ASAP1: variants seen among roughly 807,000 people sequenced by gnomAD.
The protein encoded by ASAP1 is arf-GAP with SH3 domain, ANK repeat and PH domain-containing protein 1.
ASAP1 carries 43 observed loss-of-function variants against 145.2 expected under a neutral mutation model. The observed-to-expected ratio is 0.30, with a 90% CI of 0.23 to 0.38. The LOEUF is 0.38. Ranked by LOEUF, ASAP1 falls within the 10% of genes least tolerant of loss-of-function variation. The probability of loss-of-function intolerance (pLI) is 1.00; values close to 1 mark genes in which losing one functional copy is unlikely to be tolerated. For synonymous variants in ASAP1, 546 were observed against 515.5 expected (o/e 1.06, Z -0.80); for missense variants, 1,018 against 1,355.3 (o/e 0.75, Z 3.91).
In ASAP1 at chr8:130,417,619, G is replaced by GA. The variant is rs796254952; in HGVS notation, c.-27-15650dup. Reference sequence around the variant, plus strand: ...AACCCCACAAGTCCTGGCTTCAGGGGAAAAAAAAAAAAAAAGGAGAGGCAA... The same window carrying GA: ...AACCCCACAAGTCCTGGCTTCAGGGGAAAAAAAAAAAAAAAAGGAGAGGCAA... On this transcript the variant is annotated intron_variant, in intron 1 of 29. Coordinates refer to ENST00000518721, the MANE Select transcript of ASAP1 (RefSeq NM_018482.4). Among the ~76,000 whole-genome samples the GA allele has an allele frequency of 5.5e-3, 738 of 134,248 alleles. 3 individuals carry two copies. The highest frequency in any genetic ancestry group is 0.012 in the African/African-American group (450 of 36,424). 88.1% of individuals were successfully genotyped at this position (134,248 alleles called of 152,430 possible).
intron 3 of ASAP1, among the ~76,000 whole-genome samples, chr8:130,338,216 G>C (rs956674668): frequency 6.6e-6 from 1 of 152,168 alleles, no homozygotes; most frequent in Non-Finnish European, 1.5e-5. Flanking sequence ...AGGTGATGCT[G>C]GCAGCAGATG....
intron 3 of ASAP1, among the ~76,000 whole-genome samples, chr8:130,347,762 A>G (rs78083315): frequency 0.035 from 5,372 of 152,236 alleles, 134 homozygotes; most frequent in African/African-American, 0.065. Flanking sequence ...GCAGACACCA[A>G]TGTGGTGTAG....
intron 1 of ASAP1, among the ~76,000 whole-genome samples, chr8:130,428,426 AT>A (rs1830009384): frequency 1.4e-5 from 2 of 141,128 alleles, no homozygotes; most frequent in Non-Finnish European, 3.1e-5. Context: ...CATCACCATC[AT>A]CATCATCACC....
chr8:130,262,829 C>T (rs1820021240), intron 3 of ASAP1, among the ~76,000 whole-genome samples: 1 of 152,148 alleles, frequency 6.6e-6, no homozygotes, highest in South Asian at 2.1e-4. Flanking sequence ...TTCCATGACC[C>T]TAAAGACAGG....
chr8:130,441,377 C>T (rs1395021964), intron 1 of ASAP1, among the ~76,000 whole-genome samples: 2 of 152,188 alleles, frequency 1.3e-5, no homozygotes, highest in East Asian at 3.8e-4. Flanking sequence ...GTGACTGTTA[C>T]TATTGCTCAC....
At chr8:130,107,421 G>A (rs2097538844) in intron 24 of ASAP1, among the ~76,000 whole-genome samples, 1 of 150,754 alleles carries the variant, frequency 6.6e-6, no homozygotes, top group African/African-American at 2.4e-5. Context: ...TCCTGACCTC[G>A]TGATCCGCCC....
chr8:130,422,543 C>A (rs183896214), intron 1 of ASAP1, among the ~76,000 whole-genome samples: 1 of 152,196 alleles, frequency 6.6e-6, no homozygotes, highest in Non-Finnish European at 1.5e-5. Flanking sequence ...TCCTCCTAAG[C>A]TGTCTCTGTC....
intron 2 of ASAP1, among the ~76,000 whole-genome samples, chr8:130,383,238 T>C (rs753962302): frequency 7.2e-5 from 11 of 152,202 alleles, no homozygotes; most frequent in Non-Finnish European, 1.0e-4. Flanking sequence ...CCCCAAAGGA[T>C]TCCCCAGGCT....
chr8:130,053,886 A>G lies in ASAP1; in HGVS notation c.*845T>C, dbSNP rs1177544130. On this transcript the variant is annotated 3_prime_UTR_variant, in exon 30 of 30. Transcript: ENST00000518721. The stretch of plus-strand genomic sequence containing the variant: ...AAAAAATGTACAATTCCACTTATCC[A>G]TACTATTCCTTTATAAAAGGCAGAT... The G allele has an allele frequency of 1.3e-5, 2 of 152,422 alleles. No individual in the cohort carries two copies. 9.4% of individuals were successfully genotyped at this position (152,422 alleles called of 1,614,324 possible). A position where few individuals can be genotyped will look rare whatever the true frequency, so the allele number is the denominator to read the frequency against.
chr8:130,211,618 G>C (rs575247482), intron 5 of ASAP1, among the ~76,000 whole-genome samples: 1 of 152,258 alleles, frequency 6.6e-6, no homozygotes, highest in Admixed American at 6.5e-5. Context: ...GCTAGTATGA[G>C]ACCTGGCCCG....
At chr8:130,228,220 C>G (rs1817697206) in intron 4 of ASAP1, among the ~76,000 whole-genome samples, 1 of 152,128 alleles carries the variant, frequency 6.6e-6, no homozygotes, top group Admixed American at 6.5e-5. Context: ...CAGCTCTCTA[C>G]CTAGGAGCAT....
chr8:130,382,955 G>A (rs1364167586), intron 2 of ASAP1, among the ~76,000 whole-genome samples: 1 of 152,204 alleles, frequency 6.6e-6, no homozygotes, highest in Non-Finnish European at 1.5e-5. Context: ...GGGTCTCAGG[G>A]ATGCATGGGA....
At chr8:130,217,494 T>C (rs912345146) in intron 4 of ASAP1, among the ~76,000 whole-genome samples, 3 of 151,516 alleles carry the variant, frequency 2.0e-5, no homozygotes, top group Non-Finnish European at 4.4e-5. Context: ...CGTATATATG[T>C]ATATTATATG....
chr8:130,079,283 T>G (rs547381567), intron 26 of ASAP1, among the ~76,000 whole-genome samples: 2 of 152,306 alleles, frequency 1.3e-5, no homozygotes, highest in South Asian at 4.1e-4. Context: ...TGGAAGTGGC[T>G]CTCTGTCCTT....
chr8:130,092,566 A>T (rs2097507883), intron 24 of ASAP1, among the ~76,000 whole-genome samples: 1 of 152,176 alleles, frequency 6.6e-6, no homozygotes, highest in African/African-American at 2.4e-5. Context: ...GTTCGAGGAT[A>T]CACTGAGCTA....
chr8:130,145,444 A>G (rs530886082), intron 13 of ASAP1, among the ~76,000 whole-genome samples: 1 of 152,092 alleles, frequency 6.6e-6, no homozygotes, highest in African/African-American at 2.4e-5. Context: ...CAGCCTCCCG[A>G]GTAGCTGGGA....
chr8:130,266,645 A>G (rs1820262794), intron 3 of ASAP1, among the ~76,000 whole-genome samples: 1 of 152,164 alleles, frequency 6.6e-6, no homozygotes, highest in Admixed American at 6.5e-5. Context: ...CTACCATGGG[A>G]GAGAACCAAC....
chr8:130,337,853 T>C (rs754740331), intron 3 of ASAP1, among the ~76,000 whole-genome samples: 1 of 152,206 alleles, frequency 6.6e-6, no homozygotes, highest in Non-Finnish European at 1.5e-5. Flanking sequence ...GATCCTAAAA[T>C]CGAACCTACA....
chr8:130,356,835 C>G (rs1375263783), intron 3 of ASAP1, among the ~76,000 whole-genome samples: 1 of 152,166 alleles, frequency 6.6e-6, no homozygotes, highest in African/African-American at 2.4e-5. Context: ...ATGAGTCGGC[C>G]CACAGAAGCC....
Sources: allele counts gnomAD v4.1 joint callset (sites outside exome capture counted in the v4.1 genomes callset), GRCh38; gene constraint gnomAD v4.1.1; transcripts MANE v1.5; gene names NCBI Gene and HGNC (gene_info 2026-07-23, HGNC 2026-07-21).